The following PACS2 variants were observed in gnomAD, a reference collection of about 807,000 sequenced individuals.
The protein encoded by PACS2 is PACS1-like protein.
Under a neutral mutation model 113.0 loss-of-function variants are expected in PACS2, and 36 were observed. The observed-to-expected ratio is 0.32, with a 90% confidence interval of 0.24 to 0.42. The LOEUF is 0.42. Among genes scored for constraint, PACS2 ranks in the 10% least tolerant of loss-of-function variants. The probability of loss-of-function intolerance (pLI) is 1.00; values close to 1 mark genes in which losing one functional copy is unlikely to be tolerated. For missense variants in PACS2, 1,015 were observed against 1,239.5 expected, an observed-to-expected ratio of 0.82 and a Z score of 2.72; for synonymous variants, 589 against 536.1, an observed-to-expected ratio of 1.10 and a Z score of -1.36.
chr14:105,379,316 C>T (rs1275414560), intron 9 of PACS2, among the ~76,000 whole-genome samples: 3 of 152,212 alleles, frequency 2.0e-5, no homozygotes, highest in Non-Finnish European at 2.9e-5. Context: ...GTTGTTTTGT[C>T]GAGCATGTTC....
chr14:105,333,344 C>T (rs2059377604), intron 1 of PACS2, among the ~76,000 whole-genome samples: 2 of 152,252 alleles, frequency 1.3e-5, no homozygotes, highest in Admixed American at 1.3e-4. Flanking sequence ...CACTGGGAAG[C>T]TGCCCCGTTG....
At chr14:105,361,818 A>G (rs1435856736) in intron 4 of PACS2, among the ~76,000 whole-genome samples, 10 of 152,112 alleles carry the variant, frequency 6.6e-5, no homozygotes, top group South Asian at 2.1e-4. Flanking sequence ...GTGTGGTGGC[A>G]CATGCCTGTA....
At position 105,381,933 on chromosome 14, in the gene PACS2, G is replaced by C; in HGVS notation, c.1288G>C (p.Gly430Arg). The C allele has an allele frequency of 6.4e-7, 1 of 1,550,654 alleles. No homozygotes were observed. Among genetic ancestry groups the C allele is most frequent in the Non-Finnish European group, 8.7e-7 (1 of 1,147,014 alleles). ...CAATAGGTCCGAGGGGAAGCAGGCT[G>C]GCCGACGGGGCCGGAGCACATCCTT... ...PSTRSEGKQAGRRGRSTSLKE... is the reference protein window; with the variant it reads ...PSTRSEGKQARRRGRSTSLKE... Residue 430 changes from glycine to arginine, a missense_variant, in exon 13 of 25, where the codon GGC becomes CGC. Around this residue, in one of 3 missense-constraint regions of PACS2, gnomAD observed 859 missense variants for 1,056.8 expected, o/e 0.81. Transcript: ENST00000447393.
intron 1 of PACS2, among the ~76,000 whole-genome samples, chr14:105,336,042 G>A (rs1007514339): frequency 6.6e-6 from 1 of 152,214 alleles, no homozygotes; most frequent in African/African-American, 2.4e-5. Context: ...GGGCAGCAGG[G>A]CACGGAGCGT....
intron 1 of PACS2, among the ~76,000 whole-genome samples, chr14:105,331,706 G>T (rs1313383312): frequency 2.0e-5 from 3 of 152,214 alleles, no homozygotes; most frequent in Non-Finnish European, 2.9e-5. Flanking sequence ...ACCCTCCAAA[G>T]GAAGGAGAGC....
chr14:105,394,434 T>C, intron 24 of PACS2, 120 bp from the exon 25 acceptor site: 1 of 1,514,944 alleles, frequency 6.6e-7, no homozygotes, highest in Non-Finnish European at 8.8e-7. Flanking sequence ...CCCTCCAGCA[T>C]GGGGCTCCTT....
intron 11 of PACS2, 34 bp downstream of exon 11, chr14:105,380,188 C>T: frequency 6.6e-7 from 1 of 1,508,208 alleles, no homozygotes; most frequent in South Asian, 1.2e-5. Flanking sequence ...ACCCGTTCCA[C>T]ACATCAGGCA....
intron 23 of PACS2, 111 bp downstream of exon 23, chr14:105,392,956 A>T: frequency 1.2e-6 from 1 of 853,918 alleles, no homozygotes; most frequent in South Asian, 1.5e-5. Context: ...CGGGCAGCCC[A>T]CATGCGCAGG....
Position 105,380,084 on chromosome 14 carries a change from A to T in PACS2, c.1055A>T (p.Asp352Val). The change falls in exon 11 of 25, where the codon GAC (aspartate) becomes GTC (valine). Residue 352 changes from aspartate to valine, a missense_variant. Physicochemically the swap from Asp to Val is radical, Grantham distance 152. This residue lies in a region of PACS2 where 859 missense variants were observed against 1,056.8 expected (regional missense o/e 0.81). Coordinates refer to ENST00000447393, the MANE Select transcript of PACS2 (RefSeq NM_001100913.3). Reference sequence around the variant, plus strand: ...TTCCCATCTCCTCCCCCACAGGCTGACGTGCCCGAGAAGACGCGGTCCCTG... The same window carrying T: ...TTCCCATCTCCTCCCCCACAGGCTGTCGTGCCCGAGAAGACGCGGTCCCTG... ...RSHKEPPSPA[D>V]VPEKTRSLGG... 6.4e-7 allele frequency: 1 copy of T among 1,552,496 alleles called. No individual in the cohort carries two copies.
chr14:105,333,800 T>C (rs996740955), intron 1 of PACS2, among the ~76,000 whole-genome samples: 1 of 152,164 alleles, frequency 6.6e-6, no homozygotes, highest in African/African-American at 2.4e-5. Context: ...CTGTGGCCCA[T>C]GGCAGGGCTG....
intron 1 of PACS2, among the ~76,000 whole-genome samples, chr14:105,334,818 C>CG (rs140879118): frequency 1.3e-4 from 20 of 152,202 alleles, no homozygotes; most frequent in South Asian, 8.3e-4. Flanking sequence ...ACGTGCACTG[C>CG]GGGGGGGAGC....
rs967135010 is a variant in PACS2, at chr14:105,323,250, C to G, written c.119+8213C>G. ...TGCTGTTGGTTCTGCGCTATTCTCT[C>G]TCTCACCTCTGGAGCAACAATTGGA... On this transcript the variant is annotated intron_variant, in intron 1 of 24. Transcript: ENST00000447393. The surrounding 1 kb of genome is among the most constrained non-coding windows in gnomAD (Gnocchi z 4.1). Among the ~76,000 whole-genome samples the G allele has an allele frequency of 6.6e-6, 1 of 152,238 alleles. No individual in the cohort carries two copies. The highest frequency in any genetic ancestry group is 1.9e-4 in the East Asian group (1 of 5,198).
chr14:105,367,167 T>G, intron 4 of PACS2, 46 bp from the exon 5 acceptor site: 1 of 1,580,174 alleles, frequency 6.3e-7, no homozygotes, highest in Non-Finnish European at 8.7e-7. Flanking sequence ...GCACCGGGGC[T>G]CCTTCCCGTC....
At chr14:105,311,746 C>T (rs2058354827), upstream of PACS2, among the ~76,000 whole-genome samples, 1 of 152,226 alleles carries the variant, frequency 6.6e-6, no homozygotes, top group African/African-American at 2.4e-5. Context: ...GCAGCGATCT[C>T]AGCGGTCTTA....
chr14:105,353,907 T>C (rs2060329693), intron 3 of PACS2, among the ~76,000 whole-genome samples: 1 of 151,950 alleles, frequency 6.6e-6, no homozygotes, highest in Non-Finnish European at 1.5e-5. Flanking sequence ...TTTCATTCCT[T>C]ATCTATGATA....
At chr14:105,362,149 T>C (rs1309371635) in intron 4 of PACS2, among the ~76,000 whole-genome samples, 1 of 149,736 alleles carries the variant, frequency 6.7e-6, no homozygotes, top group Non-Finnish European at 1.5e-5. Context: ...CCAGGTGTGG[T>C]GGCTCACGCC....
In PACS2 at chr14:105,392,736, C is replaced by G. The variant is rs371623717; in HGVS notation, c.2373C>G (p.Leu791=). 2.5e-6 allele frequency: 4 copies of G among 1,612,758 alleles called. No individual in the cohort carries two copies. In the African/African-American group the frequency reaches 4.0e-5, roughly 16 times the overall value. Residue 791 remains leucine (L), a synonymous_variant, in exon 23 of 25, where the codon CTC becomes CTG. Coordinates refer to ENST00000447393, the MANE Select transcript of PACS2 (RefSeq NM_001100913.3). ...ACCTGCCTGTCACCAAAAACACGCT[C>G]AAGTGCACTTTCCGGTCCCTCCAGG... ...KKDLPVTKNT[L]KCTFRSLQVS...
chr14:105,394,213 C>A (rs1454630831), intron 24 of PACS2: 13 of 985,266 alleles, frequency 1.3e-5, no homozygotes, highest in African/African-American at 1.7e-5. Context: ...CTGTCTTCTT[C>A]CCACACCTGT....
At chr14:105,310,767 T>G (rs887578113), upstream of PACS2, among the ~76,000 whole-genome samples, 2 of 152,064 alleles carry the variant, frequency 1.3e-5, no homozygotes, top group Non-Finnish European at 2.9e-5. Flanking sequence ...ATGGAGAAAA[T>G]AGGAGATAAA....
Sources: gnomAD v4.1 joint callset for allele counts (sites outside exome capture counted in the v4.1 genomes callset) on GRCh38, gnomAD v4.1.1 for gene constraint, gnomAD v4.1.1 regional missense constraint, Gnocchi (gnomAD v3.1) non-coding constraint, MANE v1.5 for transcripts, NCBI Gene and HGNC (gene_info 2026-07-23, HGNC 2026-07-21) for gene names.